The following MALRD1 variants were observed in gnomAD, a reference collection of about 807,000 sequenced individuals.
MALRD1 encodes MAM and LDL-receptor class A domain-containing protein 1.
Under a neutral mutation model 242.1 loss-of-function variants are expected in MALRD1, and 247 were observed. That is an observed-to-expected ratio of 1.02 (90% CI 0.92 to 1.13). The LOEUF (loss-of-function observed/expected upper bound fraction) is 1.13, where lower values mean the gene tolerates loss of function less well. MALRD1 is among the 50% of genes most tolerant of loss of function. MALRD1 has a pLI of 0.00. For synonymous variants in MALRD1, 995 were observed against 866.6 expected (o/e 1.15, Z -2.60); for missense variants, 2,989 against 2,533.1 (o/e 1.18, Z -3.86).
At chr10:19,316,389 T>C (rs991022313) in intron 21 of MALRD1, among the ~76,000 whole-genome samples, 1 of 151,894 alleles carries the variant, frequency 6.6e-6, no homozygotes, top group Non-Finnish European at 1.5e-5. Context: ...GGAGAGGGCA[T>C]GTGTGGAGCT....
chr10:19,300,503 A>G (rs1841902231), intron 21 of MALRD1, among the ~76,000 whole-genome samples: 2 of 151,978 alleles, frequency 1.3e-5, no homozygotes, highest in Non-Finnish European at 2.9e-5. Flanking sequence ...GCTGTGACAA[A>G]AATAGACACA....
intron 24 of MALRD1, among the ~76,000 whole-genome samples, chr10:19,344,560 A>C (rs977050298): frequency 1.3e-4 from 20 of 152,130 alleles, no homozygotes; most frequent in African/African-American, 4.6e-4. Flanking sequence ...CTGTATCATA[A>C]ATCTTGAAAT....
At chr10:19,179,890 C>T (rs370141669) in intron 14 of MALRD1, among the ~76,000 whole-genome samples, 14 of 152,044 alleles carry the variant, frequency 9.2e-5, no homozygotes, top group African/African-American at 2.4e-4. Context: ...CCTTTCAGTT[C>T]GTCCTTTTCC....
intron 38 of MALRD1, among the ~76,000 whole-genome samples, chr10:19,715,164 C>T (rs1321892367): frequency 6.6e-6 from 1 of 151,736 alleles, no homozygotes. Flanking sequence ...TCCTTATTTC[C>T]CTATACTGAC....
At chr10:19,567,751 C>T (rs1166929172) in intron 33 of MALRD1, 48 bp downstream of exon 33, 1 of 1,411,666 alleles carries the variant, frequency 7.1e-7, no homozygotes, top group Non-Finnish European at 9.7e-7. Flanking sequence ...TTTTTAGTAT[C>T]TAAATATACT....
At position 19,373,417 on chromosome 10, in the gene MALRD1, G is replaced by C. The variant is rs555672717; in HGVS notation, c.4442-14111G>C. On this transcript the variant is annotated intron_variant, in intron 26 of 39. Transcript: ENST00000454679. Reference sequence around the variant, plus strand: ...GCCTGTAATTCCAGCTACTCTGGAGGCTGAGGCAGGAGAATCGCTTGAAAC... The same window carrying C: ...GCCTGTAATTCCAGCTACTCTGGAGCCTGAGGCAGGAGAATCGCTTGAAAC... Among the ~76,000 whole-genome samples the C allele has an allele frequency of 2.0e-5, 3 of 152,162 alleles. No homozygotes were observed. In the South Asian group the frequency reaches 6.2e-4, roughly 32 times the overall value.
intron 18 of MALRD1, among the ~76,000 whole-genome samples, chr10:19,254,288 G>T (rs1387054259): frequency 4.0e-5 from 6 of 151,882 alleles, no homozygotes; most frequent in Non-Finnish European, 8.8e-5. Context: ...CTACATCATT[G>T]TTCCTTTTTG....
intron 24 of MALRD1, among the ~76,000 whole-genome samples, chr10:19,333,140 T>TTA (rs1163063719): frequency 4.7e-5 from 7 of 148,324 alleles, no homozygotes; most frequent in South Asian, 2.1e-4. Flanking sequence ...CACTTCTTTT[T>TTA]AAAAAAAAAA....
chr10:19,080,816 T>G (rs1222493182), intron 2 of MALRD1, among the ~76,000 whole-genome samples: 1 of 151,932 alleles, frequency 6.6e-6, no homozygotes, highest in Admixed American at 6.6e-5. Flanking sequence ...GAAACTATCA[T>G]CAGAGTGAAC....
intron 20 of MALRD1, among the ~76,000 whole-genome samples, chr10:19,281,799 C>G (rs1413636690): frequency 1.3e-5 from 2 of 151,918 alleles, no homozygotes; most frequent in Non-Finnish European, 2.9e-5. Context: ...TGGCAAAACC[C>G]CATCTCTACA....
intron 33 of MALRD1, among the ~76,000 whole-genome samples, chr10:19,583,364 C>T (rs1259736292): frequency 1.3e-5 from 2 of 150,570 alleles, no homozygotes; most frequent in Admixed American, 6.6e-5. Flanking sequence ...GTGGGTTTGT[C>T]GTAGATAGCT....
rs1454834768 is a variant in MALRD1, at chr10:19,049,137, T to C, written c.199T>C (p.Cys67Arg). 2 of 1,233,872 alleles carry C rather than the reference T, an allele frequency of 1.6e-6. No individual in the cohort carries two copies. Among genetic ancestry groups the C allele is most frequent in the East Asian group, 3.2e-5 (1 of 31,700 alleles). The allele number at this position is 1,233,872 out of a possible 1,614,324, so 76.4% of individuals were successfully genotyped here. A position where few individuals can be genotyped will look rare whatever the true frequency, so the allele number is the denominator to read the frequency against. The part of the protein sequence containing the change: ...QCGDSSDERH[C>R]LNYERCDFED... ...TGGGGATAGCAGTGATGAACGGCAC[T>C]GTAAGTGACATTCTCCTTTCTCCAA... is the stretch of plus-strand genomic sequence containing the variant. The change falls in exon 1 of 40, where the codon TGT becomes CGT. Residue 67 changes from cysteine to arginine, a missense_variant and splice_region_variant. By Grantham distance (180) the Cys-to-Arg change is radical. Coordinates refer to ENST00000454679, the MANE Select transcript of MALRD1 (RefSeq NM_001142308.3).
intron 31 of MALRD1, among the ~76,000 whole-genome samples, chr10:19,511,303 A>G (rs183445409): frequency 1.4e-4 from 21 of 152,290 alleles, no homozygotes; most frequent in African/African-American, 4.8e-4. Context: ...AGTCAAAAAG[A>G]TCAGCACACG....
At chr10:19,257,618 C>A in intron 18 of MALRD1, 66 bp from the exon 19 acceptor site, 1 of 1,210,028 alleles carries the variant, frequency 8.3e-7, no homozygotes, top group Non-Finnish European at 1.2e-6. Flanking sequence ...TCATCCATTC[C>A]ATAACTTAAT....
rs202192029 is a variant in MALRD1 at position 19,723,322 on chromosome 10, G to A, written c.6315-7384G>A. ...AGACAGTATGATTCTTCATACTTTC[G>A]AGTGGACAGGTTTTGACACTGAAGT... On this transcript the variant is annotated intron_variant, in intron 38 of 39. Coordinates refer to ENST00000454679, the MANE Select transcript of MALRD1 (RefSeq NM_001142308.3). Among the ~76,000 whole-genome samples the A allele has an allele frequency of 6.6e-5, 10 of 152,074 alleles. No homozygotes were observed. In the East Asian group the frequency reaches 1.7e-3, roughly 26 times the overall value.
At chr10:19,693,056 G>A (rs1222082282) in intron 38 of MALRD1, among the ~76,000 whole-genome samples, 1 of 151,654 alleles carries the variant, frequency 6.6e-6, no homozygotes, top group Non-Finnish European at 1.5e-5. Context: ...AATAAATTAG[G>A]TATGGATGGG....
chr10:19,098,575 T>C (rs1282387095), intron 4 of MALRD1, among the ~76,000 whole-genome samples: 2 of 152,296 alleles, frequency 1.3e-5, no homozygotes, highest in East Asian at 3.9e-4. Context: ...ATTTTGTGTC[T>C]CAAATGTTTG....
At chr10:19,439,712 A>G (rs1423973899) in intron 28 of MALRD1, among the ~76,000 whole-genome samples, 3 of 152,158 alleles carry the variant, frequency 2.0e-5, no homozygotes, top group Non-Finnish European at 4.4e-5. Flanking sequence ...GTATATATAG[A>G]TATAAATAAT....
intron 26 of MALRD1, among the ~76,000 whole-genome samples, chr10:19,366,579 T>C (rs1168227946): frequency 6.6e-6 from 1 of 152,158 alleles, no homozygotes; most frequent in African/African-American, 2.4e-5. Context: ...TTTTGTAACA[T>C]ATCCATATTG....
Sources: gnomAD v4.1 joint callset for allele counts (sites outside exome capture counted in the v4.1 genomes callset) on GRCh38, gnomAD v4.1.1 for gene constraint, MANE v1.5 for transcripts, NCBI Gene and HGNC (gene_info 2026-07-23, HGNC 2026-07-21) for gene names.